RANBP2: variants seen among roughly 807,000 people sequenced by gnomAD.
The protein encoded by RANBP2 is E3 SUMO-protein ligase RanBP2.
Under a neutral mutation model 303.6 loss-of-function variants are expected in RANBP2, and 57 were observed. The observed-to-expected ratio is 0.19, with a 90% CI of 0.15 to 0.23. The LOEUF is 0.23. Ranked by LOEUF, RANBP2 falls within the 10% of genes least tolerant of loss-of-function variation. RANBP2 has a pLI of 1.00. For synonymous variants in RANBP2, 1,167 were observed against 1,301.5 expected, an observed-to-expected ratio of 0.90 and a Z score of 2.23; for missense variants, 3,138 against 3,780.8, an observed-to-expected ratio of 0.83 and a Z score of 4.46.
At chr2:109,480,620 C>T in the RANBP2 span, among the ~76,000 whole-genome samples, 2 of 152,206 alleles carry the variant, frequency 1.3e-5, no homozygotes, top group African/African-American at 2.4e-5. Flanking sequence ...CTCTCTGCTG[C>T]CCTGTGGGAG....
At chr2:109,245,962 A>G in the RANBP2 span, among the ~76,000 whole-genome samples, 1 of 152,248 alleles carries the variant, frequency 6.6e-6, no homozygotes, top group Non-Finnish European at 1.5e-5. Flanking sequence ...GCTATAATGA[A>G]AGTCTCTAAG....
chr2:108,986,186 T>C, the RANBP2 span, among the ~76,000 whole-genome samples: 6 of 152,180 alleles, frequency 3.9e-5, no homozygotes, highest in African/African-American at 1.4e-4. Flanking sequence ...TACTAGACTA[T>C]CTTAGACTGA....
At chr2:109,173,728 G>C in the RANBP2 span, among the ~76,000 whole-genome samples, 1 of 152,216 alleles carries the variant, frequency 6.6e-6, no homozygotes, top group African/African-American at 2.4e-5. Context: ...TGGAGGGGCA[G>C]TGTCTAGGGG....
chr2:109,606,243 C>T, the RANBP2 span, among the ~76,000 whole-genome samples: 3 of 152,052 alleles, frequency 2.0e-5, no homozygotes, highest in African/African-American at 4.8e-5. Flanking sequence ...GGTGAAACCC[C>T]GCTTCTACTA....
At chr2:109,417,985 G>A in the RANBP2 span, among the ~76,000 whole-genome samples, 14 of 152,042 alleles carry the variant, frequency 9.2e-5, no homozygotes, top group African/African-American at 2.4e-4. Flanking sequence ...ACCTACCTGG[G>A]GCAACTTCCA....
At chr2:108,844,409 A>G in the RANBP2 span, among the ~76,000 whole-genome samples, 13 of 88,180 alleles carry the variant, frequency 1.5e-4, no homozygotes, top group Admixed American at 7.9e-4. Context: ...TTCTTTTTCT[A>G]TGTCTTCTTT....
the RANBP2 span, among the ~76,000 whole-genome samples, chr2:109,098,592 T>C: frequency 6.6e-6 from 1 of 152,250 alleles, no homozygotes; most frequent in African/African-American, 2.4e-5. Flanking sequence ...TTCAACCCTT[T>C]GTCTGTTTAT....
At position 108,784,784 on chromosome 2, in the gene RANBP2, TC is replaced by T. The variant is rs1310399089; in HGVS notation, c.*885del. The T allele has an allele frequency of 6.6e-6, 1 of 152,554 alleles. No individual in the cohort carries two copies. The highest frequency in any genetic ancestry group is 2.4e-5 in the African/African-American group (1 of 41,408). 9.5% of individuals were successfully genotyped at this position (152,554 alleles called of 1,614,324 possible). ...TTTGTAGCAGAAATAAAATGACAAT[TC>T]CTAAGAGCCACTGACATCCAAAAAA... is the stretch of plus-strand genomic sequence containing the variant. On this transcript the variant is annotated 3_prime_UTR_variant, in exon 29 of 29. Coordinates refer to ENST00000283195, the MANE Select transcript of RANBP2 (RefSeq NM_006267.5).
chr2:109,549,809 T>C, the RANBP2 span, among the ~76,000 whole-genome samples: 1 of 152,096 alleles, frequency 6.6e-6, no homozygotes, highest in African/African-American at 2.4e-5. Context: ...AATAATAAAA[T>C]AGAACAATTA....
At chr2:109,324,604 G>C in the RANBP2 span, among the ~76,000 whole-genome samples, 2 of 152,238 alleles carry the variant, frequency 1.3e-5, no homozygotes, top group Non-Finnish European at 2.9e-5. Context: ...TATTTGCAAA[G>C]TGCTAATAAG....
chr2:109,690,948 A>G, the RANBP2 span, among the ~76,000 whole-genome samples: 51 of 152,108 alleles, frequency 3.4e-4, no homozygotes, highest in African/African-American at 1.1e-3. Context: ...TGTGTTTCTC[A>G]TGTCATTGAT....
the RANBP2 span, among the ~76,000 whole-genome samples, chr2:109,627,000 TAAAAAC>T: frequency 6.6e-6 from 1 of 151,878 alleles, no homozygotes; most frequent in South Asian, 2.1e-4. Flanking sequence ...AGTTGTGACT[TAAAAAC>T]AAACAAACGA....
chr2:109,430,082 C>T, the RANBP2 span, among the ~76,000 whole-genome samples: 1 of 152,316 alleles, frequency 6.6e-6, no homozygotes, highest in African/African-American at 2.4e-5. Flanking sequence ...AGGGCGTGTT[C>T]TGAGCCTGCC....
chr2:108,847,013 G>A, the RANBP2 span: 5 of 786,646 alleles, frequency 6.4e-6, no homozygotes, highest in Non-Finnish European at 1.0e-5. Context: ...TATCAAATAT[G>A]TTGTACATTT....
At chr2:109,504,896 A>G in the RANBP2 span, among the ~76,000 whole-genome samples, 1 of 152,220 alleles carries the variant, frequency 6.6e-6, no homozygotes, top group African/African-American at 2.4e-5. Context: ...GAGCCAAGCC[A>G]CAGAAGCCAG....
chr2:109,203,960 G>A, the RANBP2 span, among the ~76,000 whole-genome samples: 4 of 152,328 alleles, frequency 2.6e-5, no homozygotes, highest in East Asian at 3.9e-4. Context: ...GCATCTGCAC[G>A]GTGCTCCAGT....
At chr2:109,234,151 G>A in the RANBP2 span, among the ~76,000 whole-genome samples, 1 of 152,186 alleles carries the variant, frequency 6.6e-6, no homozygotes, top group African/African-American at 2.4e-5. Context: ...TTTCAAAATA[G>A]CTATACCATG....
At chr2:109,466,439 T>C in the RANBP2 span, among the ~76,000 whole-genome samples, 1 of 152,156 alleles carries the variant, frequency 6.6e-6, no homozygotes, top group East Asian at 1.9e-4. Context: ...AATTGGGTTG[T>C]TTGTTTTCTT....
chr2:109,078,100 A>ATATATATATATATATATGGCG, the RANBP2 span, among the ~76,000 whole-genome samples: 1,044 of 69,922 alleles, frequency 0.015, 95 homozygotes, highest in Non-Finnish European at 0.023. Flanking sequence ...ATATATATAT[A>ATATATATATATATATATGGCG]TATATATATA....
Sources: allele counts gnomAD v4.1 joint callset (sites outside exome capture counted in the v4.1 genomes callset), GRCh38; gene constraint gnomAD v4.1.1; transcripts MANE v1.5; gene names NCBI Gene and HGNC (gene_info 2026-07-23, HGNC 2026-07-21).